MANBAL: variants seen among roughly 807,000 people sequenced by gnomAD.
MANBAL encodes mannosidase beta like.
MANBAL carries 1 observed loss-of-function variant against 6.4 expected under a neutral mutation model. The observed-to-expected ratio is 0.16, with a 90% CI of 0.06 to 0.74. The LOEUF is 0.74. Ranked by LOEUF, MANBAL falls within the 30% of genes least tolerant of loss-of-function variation. The pLI is 0.78. For missense variants in MANBAL, 100 were observed against 107.8 expected (o/e 0.93, Z 0.32); for synonymous variants, 47 against 45.8 (o/e 1.03, Z -0.10).
chr20:37,310,038 T>C (rs968550011), intron 2 of MANBAL, among the ~76,000 whole-genome samples: 3 of 152,142 alleles, frequency 2.0e-5, no homozygotes, highest in African/African-American at 7.2e-5. Flanking sequence ...ACCGACCGGT[T>C]CTTGGGAGAG....
At chr20:37,289,735 C>T (rs557017312) in intron 1 of MANBAL, 49 bp downstream of exon 1, 3 of 152,334 alleles carry the variant, frequency 2.0e-5, no homozygotes, top group East Asian at 1.9e-4. Flanking sequence ...GAGAGCCGTC[C>T]TCGGTGCGGT....
At chr20:37,312,066 C>T (rs754240704) in intron 2 of MANBAL, among the ~76,000 whole-genome samples, 5 of 152,034 alleles carry the variant, frequency 3.3e-5, no homozygotes, top group Admixed American at 6.6e-5. Flanking sequence ...TAACTGGGTG[C>T]GTGACGGCTC....
intron 1 of MANBAL, among the ~76,000 whole-genome samples, chr20:37,293,278 T>C (rs2146784043): frequency 6.6e-6 from 1 of 152,334 alleles, no homozygotes; most frequent in Non-Finnish European, 1.5e-5. Flanking sequence ...GTGGGAGCCC[T>C]GAGCTTGTTT....
chr20:37,310,999 CCCCAGGG>C (rs569165708), intron 2 of MANBAL, among the ~76,000 whole-genome samples: 146 of 152,248 alleles, frequency 9.6e-4, no homozygotes, highest in African/African-American at 3.4e-3. Context: ...GTGGCTGGGA[CCCCAGGG>C]CCCAGGTCAT....
At chr20:37,307,180 G>T (rs1205582995) in intron 2 of MANBAL, among the ~76,000 whole-genome samples, 1 of 152,060 alleles carries the variant, frequency 6.6e-6, no homozygotes, top group African/African-American at 2.4e-5. Context: ...TGCCCAGGCT[G>T]GTCTTGAACT....
intron 2 of MANBAL, 131 bp from the exon 3 acceptor site, chr20:37,316,177 A>T: frequency 1.3e-6 from 1 of 774,868 alleles, no homozygotes; most frequent in South Asian, 1.7e-5. Flanking sequence ...TGTGGGTGGT[A>T]GGTCCCGGGA....
chr20:37,315,131 C>A (rs982159841), intron 2 of MANBAL, among the ~76,000 whole-genome samples: 1 of 152,210 alleles, frequency 6.6e-6, no homozygotes, highest in African/African-American at 2.4e-5. Flanking sequence ...GGGGCAGCGC[C>A]TCCTCAGCCC....
intron 2 of MANBAL, among the ~76,000 whole-genome samples, chr20:37,315,461 A>G (rs1211145780): frequency 6.6e-6 from 1 of 152,158 alleles, no homozygotes; most frequent in Non-Finnish European, 1.5e-5. Context: ...TGGCTGGGCC[A>G]AGCTGTGTCC....
intron 1 of MANBAL, among the ~76,000 whole-genome samples, chr20:37,291,005 A>G (rs1462970424): frequency 6.6e-6 from 1 of 152,252 alleles, no homozygotes; most frequent in Non-Finnish European, 1.5e-5. Context: ...AGAAGCCAAG[A>G]ATGGCCTACC....
At chr20:37,312,824 G>A (rs1386092800) in intron 2 of MANBAL, among the ~76,000 whole-genome samples, 2 of 152,170 alleles carry the variant, frequency 1.3e-5, no homozygotes, top group South Asian at 2.1e-4. Flanking sequence ...GTTATTATTG[G>A]CAGCTATGCT....
intron 1 of MANBAL, among the ~76,000 whole-genome samples, chr20:37,299,676 C>A (rs1175199105): frequency 6.6e-6 from 1 of 152,096 alleles, no homozygotes; most frequent in Non-Finnish European, 1.5e-5. Context: ...CTGATGGGTG[C>A]TGTGGTAAAG....
intron 1 of MANBAL, among the ~76,000 whole-genome samples, chr20:37,298,382 CAAT>C (rs1229043895): frequency 6.6e-6 from 1 of 152,156 alleles, no homozygotes; most frequent in African/African-American, 2.4e-5. Flanking sequence ...ACCCAGTAAA[CAAT>C]ATCTCCCCAT....
chr20:37,298,388 C>T (rs563436865), intron 1 of MANBAL, among the ~76,000 whole-genome samples: 65 of 152,150 alleles, frequency 4.3e-4, no homozygotes, highest in Non-Finnish European at 5.4e-4. Flanking sequence ...TAAACAATAT[C>T]TCCCCATTTC....
At chr20:37,302,869 C>A (rs891666267) in intron 2 of MANBAL, among the ~76,000 whole-genome samples, 22 of 151,604 alleles carry the variant, frequency 1.5e-4, no homozygotes, top group African/African-American at 5.1e-4. Flanking sequence ...CTTCATTAGT[C>A]TTTGATAGCT....
intron 2 of MANBAL, among the ~76,000 whole-genome samples, chr20:37,304,315 TA>T (rs1331457351): frequency 2.0e-5 from 3 of 152,212 alleles, no homozygotes; most frequent in Non-Finnish European, 4.4e-5. Flanking sequence ...TTTAATTATA[TA>T]AAACATTTAT....
intron 2 of MANBAL, among the ~76,000 whole-genome samples, chr20:37,312,778 T>C (rs1197944230): frequency 1.3e-5 from 2 of 152,198 alleles, no homozygotes; most frequent in Non-Finnish European, 2.9e-5. Flanking sequence ...CTCGAGTAGC[T>C]GGGAGGACAA....
intron 1 of MANBAL, among the ~76,000 whole-genome samples, chr20:37,299,925 G>A (rs1310903337): frequency 6.6e-6 from 1 of 152,080 alleles, no homozygotes; most frequent in Admixed American, 6.5e-5. Context: ...AGGAGTGGGG[G>A]CCCTGCTGAG....
In MANBAL at chr20:37,291,013, A is replaced by G. The variant is rs11905308; in HGVS notation, c.-57+1327A>G. Among the ~76,000 whole-genome samples, 886 of 152,338 alleles carry G rather than the reference A, an allele frequency of 5.8e-3. 10 individuals are homozygous for G. Among genetic ancestry groups the G allele is most frequent in the African/African-American group, 0.02 (835 of 41,586 alleles). ...CTTCATTAGAAGCCAAGAATGGCCT[A>G]CCAGCACAGTACACAACATTGGGAG... On this transcript the variant is annotated intron_variant, in intron 1 of 2. Coordinates refer to ENST00000373606, the MANE Select transcript of MANBAL (RefSeq NM_001003897.2).
chr20:37,291,567 G>A (rs1011590984), intron 1 of MANBAL, among the ~76,000 whole-genome samples: 3 of 152,196 alleles, frequency 2.0e-5, no homozygotes, highest in Non-Finnish European at 4.4e-5. Context: ...TTTGACATGA[G>A]TAAGATCAGG....
Sources: gnomAD v4.1 joint callset for allele counts (sites outside exome capture counted in the v4.1 genomes callset) on GRCh38, gnomAD v4.1.1 for gene constraint, MANE v1.5 for transcripts, NCBI Gene and HGNC (gene_info 2026-07-23, HGNC 2026-07-21) for gene names.